Variants in ZNF438 observed in about 807,000 individuals in gnomAD.
ZNF438 encodes the protein zinc finger protein 438.
A neutral mutation model predicts 38.0 loss-of-function variants in ZNF438; 25 were observed. That is an observed-to-expected ratio of 0.66 (90% CI 0.48 to 0.92). The LOEUF is 0.92. ZNF438 is among the 40% of genes least tolerant of loss of function. The pLI, the probability that ZNF438 is intolerant of heterozygous loss-of-function variation, is 0.00. For synonymous variants in ZNF438, 372 were observed against 364.1 expected (o/e 1.02, Z -0.25); for missense variants, 1,007 against 999.6 (o/e 1.01, Z -0.10).
chr10:30,946,484 A>G (rs2994635), intron 1 of ZNF438, among the ~76,000 whole-genome samples: 19,306 of 152,172 alleles, frequency 0.13, 1,602 homozygotes, highest in Middle Eastern at 0.24. Flanking sequence ...CAATGAACTC[A>G]AACAAATTTA....
intron 3 of ZNF438, among the ~76,000 whole-genome samples, chr10:30,904,209 C>A (rs2042347648): frequency 6.6e-6 from 1 of 152,176 alleles, no homozygotes; most frequent in South Asian, 2.1e-4. Flanking sequence ...ATCAACAGAA[C>A]AAAATCCATT....
chr10:30,890,097 A>AAG (rs1564579255), intron 3 of ZNF438, among the ~76,000 whole-genome samples: 2 of 146,540 alleles, frequency 1.4e-5, no homozygotes, highest in African/African-American at 2.5e-5. Context: ...AAAAAAAAAA[A>AAG]AAAAAAGAAA....
At chr10:31,026,932 G>A (rs1296703543) in intron 1 of ZNF438, among the ~76,000 whole-genome samples, 1 of 152,194 alleles carries the variant, frequency 6.6e-6, no homozygotes, top group African/African-American at 2.4e-5. Flanking sequence ...ATGAGTTCAT[G>A]TCCTTTGTAG....
intron 2 of ZNF438, among the ~76,000 whole-genome samples, chr10:30,915,531 A>G (rs1221165021): frequency 2.0e-5 from 3 of 152,134 alleles, no homozygotes; most frequent in Non-Finnish European, 4.4e-5. Context: ...CTTAACATTT[A>G]AAGCTACAAA....
intron 4 of ZNF438, among the ~76,000 whole-genome samples, chr10:30,853,333 T>C (rs2034031304): frequency 6.6e-6 from 1 of 152,220 alleles, no homozygotes; most frequent in Non-Finnish European, 1.5e-5. Flanking sequence ...ATCTGTCCAA[T>C]GGCTCTTCAT....
At chr10:30,898,387 T>C (rs2041609653) in intron 3 of ZNF438, among the ~76,000 whole-genome samples, 1 of 152,126 alleles carries the variant, frequency 6.6e-6, no homozygotes, top group African/African-American at 2.4e-5. Context: ...AGTAGGTATA[T>C]TCTGATCTCC....
At chr10:30,893,247 G>A (rs959594340) in intron 3 of ZNF438, among the ~76,000 whole-genome samples, 1 of 152,158 alleles carries the variant, frequency 6.6e-6, no homozygotes, top group African/African-American at 2.4e-5. Context: ...AGCTGAATAT[G>A]CAAACACTGT....
chr10:30,867,556 G>C (rs2036662225), intron 4 of ZNF438, among the ~76,000 whole-genome samples: 1 of 152,124 alleles, frequency 6.6e-6, no homozygotes, highest in African/African-American at 2.4e-5. Context: ...AATAATTTTT[G>C]AGAGTGTAAA....
chr10:30,927,966 A>G (rs1206880702), intron 2 of ZNF438, among the ~76,000 whole-genome samples: 1 of 152,220 alleles, frequency 6.6e-6, no homozygotes, highest in Non-Finnish European at 1.5e-5. Context: ...TAATTCTAAG[A>G]AGTTACATTG....
intron 1 of ZNF438, among the ~76,000 whole-genome samples, chr10:30,982,343 C>T (rs1490682671): frequency 4.6e-5 from 7 of 152,066 alleles, no homozygotes; most frequent in Admixed American, 4.6e-4. Flanking sequence ...CCTCGTGATC[C>T]ACCTGCCTCA....
intron 3 of ZNF438, among the ~76,000 whole-genome samples, chr10:30,896,649 G>A (rs1192674527): frequency 2.0e-5 from 3 of 152,118 alleles, no homozygotes; most frequent in Admixed American, 1.3e-4. Context: ...GGGGGATATG[G>A]GGTTGTGGGG....
intron 2 of ZNF438, among the ~76,000 whole-genome samples, chr10:30,935,540 G>A (rs115386143): frequency 0.033 from 5,061 of 152,224 alleles, 273 homozygotes; most frequent in African/African-American, 0.11. Context: ...AGGGATCTGC[G>A]CCCATGACTC....
chr10:30,869,767 C>T (rs1241780460), intron 4 of ZNF438, among the ~76,000 whole-genome samples: 2 of 152,194 alleles, frequency 1.3e-5, no homozygotes, highest in African/African-American at 4.8e-5. Flanking sequence ...CCAAGAACAG[C>T]ATTTACACCA....
intron 4 of ZNF438, among the ~76,000 whole-genome samples, chr10:30,854,847 G>C (rs2034342057): frequency 1.3e-5 from 2 of 152,176 alleles, no homozygotes; most frequent in Non-Finnish European, 1.5e-5. Context: ...CGGAGGCAGA[G>C]CATGGTAATG....
intron 1 of ZNF438, among the ~76,000 whole-genome samples, chr10:30,981,369 T>C (rs1329822092): frequency 6.6e-6 from 1 of 152,194 alleles, no homozygotes; most frequent in Non-Finnish European, 1.5e-5. Flanking sequence ...TACGTGTTTA[T>C]GGAAACATGA....
intron 1 of ZNF438, among the ~76,000 whole-genome samples, chr10:31,030,355 G>T (rs929925690): frequency 2.0e-5 from 3 of 152,150 alleles, no homozygotes; most frequent in African/African-American, 7.2e-5. Flanking sequence ...TGCAATATGA[G>T]CCCTGCTAGG....
At chr10:30,944,650 G>C (rs1230059594) in intron 1 of ZNF438, among the ~76,000 whole-genome samples, 24 of 152,270 alleles carry the variant, frequency 1.6e-4, no homozygotes, top group Non-Finnish European at 1.5e-5. Context: ...ACCTCTAACA[G>C]ATATAGCAGC....
intron 3 of ZNF438, among the ~76,000 whole-genome samples, chr10:30,890,433 T>G (rs950814103): frequency 1.3e-5 from 2 of 152,208 alleles, no homozygotes; most frequent in African/African-American, 4.8e-5. Context: ...GGGTGAAATG[T>G]TCTCTCCTTC....
At chr10:31,012,893 C>A (rs1222967964) in intron 1 of ZNF438, among the ~76,000 whole-genome samples, 1 of 152,168 alleles carries the variant, frequency 6.6e-6, no homozygotes, top group East Asian at 1.9e-4. Context: ...GGGAATCTGA[C>A]CTAATAACCT....
Sources: gnomAD v4.1 joint callset for allele counts (sites outside exome capture counted in the v4.1 genomes callset) on GRCh38, gnomAD v4.1.1 for gene constraint, MANE v1.5 for transcripts, NCBI Gene and HGNC (gene_info 2026-07-23, HGNC 2026-07-21) for gene names.